MYO9A: variants seen among roughly 807,000 people sequenced by gnomAD.
MYO9A encodes unconventional myosin-IXa.
Under a neutral mutation model 293.3 loss-of-function variants are expected in MYO9A, and 103 were observed. The ratio of observed to expected loss-of-function variants is 0.35; its 90% CI spans 0.30 to 0.41. The LOEUF is 0.41. MYO9A is among the 10% of genes least tolerant of loss of function. The pLI, the probability that MYO9A is intolerant of heterozygous loss-of-function variation, is 1.00. For synonymous variants in MYO9A, 1,001 were observed against 1,035.7 expected, an observed-to-expected ratio of 0.97 and a Z score of 0.64; for missense variants, 2,685 against 3,033.0, an observed-to-expected ratio of 0.89 and a Z score of 2.69.
chr15:71,851,209 C>G, intron 37 of MYO9A, 44 bp downstream of exon 37: 1 of 1,423,796 alleles, frequency 7.0e-7, no homozygotes, highest in African/African-American at 1.4e-5. Flanking sequence ...TAAAATAATC[C>G]AAGAGAAACT....
intron 8 of MYO9A, among the ~76,000 whole-genome samples, chr15:72,005,088 C>T (rs2076979026): frequency 6.6e-6 from 1 of 152,148 alleles, no homozygotes; most frequent in South Asian, 2.1e-4. Context: ...TAAGTACTAA[C>T]TAAAGATGGG....
At chr15:71,960,400 C>A (rs1277160427) in intron 13 of MYO9A, 2 of 294,222 alleles carry the variant, frequency 6.8e-6, no homozygotes, top group Non-Finnish European at 6.4e-6. Flanking sequence ...CCATGTGACA[C>A]ATGTGCTTCC....
rs1050039799 is a variant in MYO9A, at chr15:72,103,542, CAGAAGCAGT to C, written c.-72+14129_-72+14137del. On this transcript the variant is annotated intron_variant, in intron 1 of 41. Coordinates refer to ENST00000356056, the MANE Select transcript of MYO9A (RefSeq NM_006901.4). The stretch of plus-strand genomic sequence containing the variant: ...GCAGAAGCAGTGGAAGCAGAAGCAG[CAGAAGCAGT>C]GGAAGCAGAAGCAGCAGAAGCAGTG... Among the ~76,000 whole-genome samples the C allele has an allele frequency of 3.7e-3, 552 of 150,706 alleles. 46 individuals are homozygous for C. In the South Asian group the frequency reaches 0.11, roughly 31 times the overall value.
chr15:72,080,924 T>C (rs984838623), intron 1 of MYO9A, among the ~76,000 whole-genome samples: 5 of 152,186 alleles, frequency 3.3e-5, no homozygotes, highest in African/African-American at 9.6e-5. Context: ...CAGTATTCCA[T>C]GGTGTATATA....
chr15:71,942,869 A>G (rs868530788), intron 15 of MYO9A, among the ~76,000 whole-genome samples: 1 of 152,036 alleles, frequency 6.6e-6, no homozygotes, highest in Non-Finnish European at 1.5e-5. Context: ...GTTCTTTATT[A>G]AATATCAAAA....
At position 71,880,367 on chromosome 15, in the gene MYO9A, A is replaced by C; in HGVS notation, c.5590T>G (p.Leu1864Val). The part of the protein sequence containing the change: ...SVQIIASVSD[L>V]KSMDEFLLKK... ...AGAAGAAATTCATCCATGCTTTTTAAATCACTGACACTTGCTATGATCTGG... is the reference window on the plus strand; with the variant it reads ...AGAAGAAATTCATCCATGCTTTTTACATCACTGACACTTGCTATGATCTGG... Residue 1864 changes from leucine to valine, a missense_variant, in exon 29 of 42, where the codon TTA (leucine) becomes GTA (valine). By Grantham distance (32) the Leu-to-Val change is conservative. This residue lies in a region of MYO9A where 1,434 missense variants were observed against 1,497.7 expected (regional missense o/e 0.96). Transcript: ENST00000356056. 1 of 1,614,218 alleles carries C rather than the reference A, an allele frequency of 6.2e-7. No homozygotes were observed. The highest frequency in any genetic ancestry group is 8.5e-7 in the Non-Finnish European group (1 of 1,180,006).
rs1335057619 is a variant in MYO9A, at chr15:71,855,742, AATT to A, written c.6154-1176_6154-1174del. 2.6e-5 allele frequency among the ~76,000 whole-genome samples: 4 copies of A among 152,250 alleles called. No homozygotes were observed. The East Asian group carries it at 7.7e-4, about 29-fold the overall frequency. ...CCAGCTCAAAACTATATCACTAACCAATTAGACTATTTCAACACTTTCTTGGCG... is the reference window on the plus strand; with the variant it reads ...CCAGCTCAAAACTATATCACTAACCAAGACTATTTCAACACTTTCTTGGCG... On this transcript the variant is annotated intron_variant, in intron 34 of 41. Coordinates refer to ENST00000356056, the MANE Select transcript of MYO9A (RefSeq NM_006901.4).
chr15:72,072,732 T>C (rs145878485), intron 1 of MYO9A, among the ~76,000 whole-genome samples: 1,890 of 152,116 alleles, frequency 0.012, 56 homozygotes, highest in Admixed American at 0.057. Context: ...GATGAAACAC[T>C]GGGGACTCCA....
intron 37 of MYO9A, among the ~76,000 whole-genome samples, chr15:71,850,970 C>T (rs2055622739): frequency 1.3e-5 from 2 of 151,888 alleles, no homozygotes; most frequent in South Asian, 2.1e-4. Context: ...ATTATATATC[C>T]TTTCTAGTTC....
chr15:71,861,792 A>G (rs936266034), intron 33 of MYO9A, among the ~76,000 whole-genome samples: 11 of 152,116 alleles, frequency 7.2e-5, no homozygotes, highest in African/African-American at 2.7e-4. Context: ...TTGGGTGGTA[A>G]TAAGTTCTAT....
At chr15:71,956,860 A>AATATAT (rs10553052) in intron 14 of MYO9A, among the ~76,000 whole-genome samples, 22 of 140,324 alleles carry the variant, frequency 1.6e-4, no homozygotes, top group Middle Eastern at 3.7e-3. Context: ...CACACACACA[A>AATATAT]ATATATATAT....
chr15:72,068,914 C>T (rs1402205899), intron 1 of MYO9A, among the ~76,000 whole-genome samples: 1 of 152,114 alleles, frequency 6.6e-6, no homozygotes. Context: ...TCATAACAAC[C>T]CTAAGGAAAG....
chr15:72,007,115 T>A (rs536651567), intron 8 of MYO9A, among the ~76,000 whole-genome samples: 1 of 152,286 alleles, frequency 6.6e-6, no homozygotes, highest in Admixed American at 6.5e-5. Flanking sequence ...TACAGATGAT[T>A]ACATATTAAA....
At chr15:71,956,563 T>C (rs1417688741) in intron 14 of MYO9A, among the ~76,000 whole-genome samples, 1 of 149,814 alleles carries the variant, frequency 6.7e-6, no homozygotes, top group Admixed American at 6.6e-5. Context: ...AGAGAATCGC[T>C]TGAACCTGGG....
At chr15:72,094,374 A>G (rs1162789914) in intron 1 of MYO9A, among the ~76,000 whole-genome samples, 1 of 43,752 alleles carries the variant, frequency 2.3e-5, no homozygotes, top group African/African-American at 4.9e-5. Flanking sequence ...TGATTTTTTA[A>G]CAAATTAAAG....
intron 25 of MYO9A, among the ~76,000 whole-genome samples, chr15:71,895,809 C>T (rs1227842476): frequency 6.6e-6 from 1 of 151,980 alleles, no homozygotes; most frequent in Non-Finnish European, 1.5e-5. Flanking sequence ...ATAAATATTT[C>T]ACAAGGATGA....
intron 32 of MYO9A, among the ~76,000 whole-genome samples, chr15:71,871,376 A>G (rs1450391711): frequency 6.6e-6 from 1 of 152,096 alleles, no homozygotes. Flanking sequence ...CCTAGTCTCA[A>G]AAAAAGAAAG....
At chr15:71,988,271 T>G (rs1372175921) in intron 11 of MYO9A, among the ~76,000 whole-genome samples, 4 of 152,198 alleles carry the variant, frequency 2.6e-5, no homozygotes, top group African/African-American at 7.2e-5. Context: ...TGTAAGAGTT[T>G]TGGACTGATT....
intron 14 of MYO9A, among the ~76,000 whole-genome samples, chr15:71,953,348 G>A (rs1265621668): frequency 1.3e-5 from 2 of 152,200 alleles, no homozygotes; most frequent in Non-Finnish European, 2.9e-5. Flanking sequence ...AAAACACCCA[G>A]TGAGTTCTAG....
Sources: allele counts gnomAD v4.1 joint callset (sites outside exome capture counted in the v4.1 genomes callset), GRCh38; gene constraint gnomAD v4.1.1; regional missense constraint gnomAD v4.1.1; transcripts MANE v1.5; gene names NCBI Gene and HGNC (gene_info 2026-07-23, HGNC 2026-07-21).